The following ANKS1B variants were observed in gnomAD, a reference collection of about 807,000 sequenced individuals.
ANKS1B encodes the protein ankyrin repeat and sterile alpha motif domain containing 1B.
A neutral mutation model predicts 148.3 loss-of-function variants in ANKS1B; 36 were observed. That is an observed-to-expected ratio of 0.24 (90% CI 0.19 to 0.32). ANKS1B has a LOEUF of 0.32. Ranked by LOEUF, ANKS1B falls within the 10% of genes least tolerant of loss-of-function variation. The probability of loss-of-function intolerance (pLI) is 1.00; values close to 1 mark genes in which losing one functional copy is unlikely to be tolerated. For missense variants in ANKS1B, 1,157 were observed against 1,542.6 expected (o/e 0.75, Z 4.19); for synonymous variants, 542 against 560.8 (o/e 0.97, Z 0.47).
At chr12:98,838,888 A>G (rs537886210) in intron 17 of ANKS1B, among the ~76,000 whole-genome samples, 1 of 152,228 alleles carries the variant, frequency 6.6e-6, no homozygotes, top group Admixed American at 6.5e-5. Context: ...ATAATTGTCA[A>G]AGTTTTCCCC....
At chr12:99,294,814 C>T (rs1041846168) in intron 12 of ANKS1B, among the ~76,000 whole-genome samples, 10 of 152,008 alleles carry the variant, frequency 6.6e-5, no homozygotes, top group East Asian at 1.9e-4. Context: ...CCACCACGCC[C>T]GGCTAATTTT....
chr12:99,838,639 TTCTA>T (rs1228997912), intron 1 of ANKS1B, among the ~76,000 whole-genome samples: 2 of 152,164 alleles, frequency 1.3e-5, no homozygotes, highest in Non-Finnish European at 2.9e-5. Context: ...TACTAAATCA[TTCTA>T]TCTTTCTTTA....
At chr12:99,293,187 T>A (rs1462831205) in intron 12 of ANKS1B, among the ~76,000 whole-genome samples, 1 of 152,204 alleles carries the variant, frequency 6.6e-6, no homozygotes, top group East Asian at 1.9e-4. Flanking sequence ...AAGGGTGAGT[T>A]CATGTCCTTT....
chr12:99,180,915 T>C (rs975708757), intron 14 of ANKS1B, among the ~76,000 whole-genome samples: 5 of 152,078 alleles, frequency 3.3e-5, no homozygotes, highest in Non-Finnish European at 7.4e-5. Context: ...TCTGACCTCC[T>C]CCCCTCCCTA....
At chr12:99,322,694 C>G (rs1039618206) in intron 12 of ANKS1B, among the ~76,000 whole-genome samples, 5 of 152,116 alleles carry the variant, frequency 3.3e-5, no homozygotes, top group African/African-American at 1.2e-4. Context: ...ACCCAACTTT[C>G]ACTTTTCATA....
intron 12 of ANKS1B, among the ~76,000 whole-genome samples, chr12:99,326,099 G>A (rs1011662054): frequency 1.3e-5 from 2 of 151,984 alleles, no homozygotes; most frequent in African/African-American, 4.8e-5. Context: ...CAGCATGAGG[G>A]AAATTGCTCC....
At chr12:98,783,131 A>C (rs2098753550) in intron 22 of ANKS1B, among the ~76,000 whole-genome samples, 11 of 152,266 alleles carry the variant, frequency 7.2e-5, no homozygotes, top group Admixed American at 7.2e-4. Context: ...GGACAGATCT[A>C]TCTGTAATGC....
rs1223147656 is a variant in ANKS1B at position 99,763,043 on chromosome 12, TGG to T, written c.1128+9877_1128+9878del. On this transcript the variant is annotated intron_variant, in intron 8 of 26. Transcript: ENST00000683438. Reference sequence around the variant, plus strand: ...AAAGGGATCGCTTAAACACTATTTGTGGGAATGTCAGTTAATTCAGCTACTAT... The same window carrying T: ...AAAGGGATCGCTTAAACACTATTTGTGAATGTCAGTTAATTCAGCTACTAT... Among the ~76,000 whole-genome samples the T allele has an allele frequency of 2.0e-5, 3 of 152,188 alleles. No homozygotes were observed. In the East Asian group the frequency reaches 5.8e-4, roughly 29 times the overall value.
In ANKS1B at chr12:98,953,536, GGTTTT is replaced by G. The variant is rs1219639997; in HGVS notation, c.2778+99616_2778+99620del. Among the ~76,000 whole-genome samples the G allele has an allele frequency of 8.8e-4, 83 of 94,348 alleles. 2 individuals are homozygous for G. In the East Asian group the frequency reaches 0.03, roughly 34 times the overall value. The allele number at this position is 94,348 out of a possible 152,430, so 61.9% of individuals were successfully genotyped here. ...TCATGTCCATTTGAGAATCTAGAGT[GGTTTT>G]TTTTTTTTTTTTTTTTTTTTTTTTT... is the stretch of plus-strand genomic sequence containing the variant. On this transcript the variant is annotated intron_variant, in intron 17 of 26. Transcript: ENST00000683438.
At chr12:99,675,581 T>C (rs1259146540) in intron 8 of ANKS1B, among the ~76,000 whole-genome samples, 2 of 151,932 alleles carry the variant, frequency 1.3e-5, no homozygotes, top group Non-Finnish European at 2.9e-5. Context: ...TTTTGCAAAC[T>C]TTCAATGATC....
chr12:98,883,887 G>GT (rs1289930304), intron 17 of ANKS1B, among the ~76,000 whole-genome samples: 1 of 152,106 alleles, frequency 6.6e-6, no homozygotes, highest in African/African-American at 2.4e-5. Flanking sequence ...TCTAGAATCT[G>GT]TTTTTTCGTT....
At chr12:99,935,637 A>C (rs1374046681) in intron 1 of ANKS1B, among the ~76,000 whole-genome samples, 1 of 152,174 alleles carries the variant, frequency 6.6e-6, no homozygotes, top group Admixed American at 6.6e-5. Context: ...AGATGCCACC[A>C]GCGATTCCCT....
intron 25 of ANKS1B, 104 bp downstream of exon 25, chr12:98,772,938 G>C: frequency 7.5e-7 from 1 of 1,328,346 alleles, no homozygotes; most frequent in Non-Finnish European, 1.0e-6. Context: ...CTTAATACCG[G>C]GTAAACAAGC....
chr12:99,276,168 T>G (rs2077642365), intron 12 of ANKS1B, among the ~76,000 whole-genome samples: 2 of 152,202 alleles, frequency 1.3e-5, no homozygotes, highest in South Asian at 2.1e-4. Flanking sequence ...GGTTTATTAC[T>G]TTTTGATGAA....
At chr12:99,799,557 T>C (rs1263445842) in intron 4 of ANKS1B, among the ~76,000 whole-genome samples, 1 of 152,148 alleles carries the variant, frequency 6.6e-6, no homozygotes, top group African/African-American at 2.4e-5. Flanking sequence ...TCCTGGAGCA[T>C]AGTGCCTGGT....
chr12:99,500,580 A>C (rs1490419921), intron 10 of ANKS1B, among the ~76,000 whole-genome samples: 1 of 152,192 alleles, frequency 6.6e-6, no homozygotes, highest in Non-Finnish European at 1.5e-5. Flanking sequence ...GACTGATGTC[A>C]GTTTGTTTTG....
intron 9 of ANKS1B, among the ~76,000 whole-genome samples, chr12:99,539,090 T>C (rs558985217): frequency 6.6e-6 from 1 of 152,282 alleles, no homozygotes; most frequent in South Asian, 2.1e-4. Flanking sequence ...AAATTTCACT[T>C]GATCATGATG....
At chr12:99,688,684 A>G (rs2098662890) in intron 8 of ANKS1B, among the ~76,000 whole-genome samples, 1 of 152,074 alleles carries the variant, frequency 6.6e-6, no homozygotes, top group South Asian at 2.1e-4. Flanking sequence ...AAAAAAACAT[A>G]GCCAAGTATA....
chr12:99,119,019 A>G (rs1326478017), intron 15 of ANKS1B, among the ~76,000 whole-genome samples: 1 of 152,184 alleles, frequency 6.6e-6, no homozygotes, highest in Non-Finnish European at 1.5e-5. Context: ...CAGGGTGAAT[A>G]AGAGCCCCCA....
Sources: allele counts gnomAD v4.1 joint callset (sites outside exome capture counted in the v4.1 genomes callset), GRCh38; gene constraint gnomAD v4.1.1; transcripts MANE v1.5; gene names NCBI Gene and HGNC (gene_info 2026-07-23, HGNC 2026-07-21).